SSBP2: variants seen among roughly 807,000 people sequenced by gnomAD.
The protein encoded by SSBP2 is single stranded DNA binding protein 2.
SSBP2 carries 17 observed loss-of-function variants against 61.8 expected under a neutral mutation model. The observed-to-expected ratio is 0.28, with a 90% CI of 0.19 to 0.41. The LOEUF (loss-of-function observed/expected upper bound fraction) is 0.41, where lower values mean the gene tolerates loss of function less well. Ranked by LOEUF, SSBP2 falls within the 10% of genes least tolerant of loss-of-function variation. The pLI, the probability that SSBP2 is intolerant of heterozygous loss-of-function variation, is 1.00. For synonymous variants in SSBP2, 139 were observed against 141.3 expected, an observed-to-expected ratio of 0.98 and a Z score of 0.12; for missense variants, 310 against 458.7, an observed-to-expected ratio of 0.68 and a Z score of 2.96.
chr5:81,636,411 T>C, intron 3 of SSBP2, 146 bp downstream of exon 3: 1 of 546,850 alleles, frequency 1.8e-6, no homozygotes, highest in Non-Finnish European at 3.1e-6. Context: ...AGTGCTGGTT[T>C]TTAAGGGTTT....
chr5:81,701,048 G>GC (rs1753947713), intron 1 of SSBP2, among the ~76,000 whole-genome samples: 1 of 151,016 alleles, frequency 6.6e-6, no homozygotes, highest in Non-Finnish European at 1.5e-5. Flanking sequence ...AAGGGGCCTA[G>GC]CTTTCAGTCT....
chr5:81,562,916 G>A (rs1341529716), intron 4 of SSBP2, among the ~76,000 whole-genome samples: 1 of 152,082 alleles, frequency 6.6e-6, no homozygotes, highest in East Asian at 1.9e-4. Context: ...AATAAATGGA[G>A]AGATATATAG....
chr5:81,427,851 G>A (rs902080922), intron 16 of SSBP2, among the ~76,000 whole-genome samples: 2 of 152,160 alleles, frequency 1.3e-5, no homozygotes, highest in African/African-American at 4.8e-5. Flanking sequence ...GATTCACTAA[G>A]TCTAGGGAGA....
intron 15 of SSBP2, among the ~76,000 whole-genome samples, chr5:81,436,512 T>C (rs2153944724): frequency 6.6e-6 from 1 of 152,290 alleles, no homozygotes; most frequent in East Asian, 1.9e-4. Flanking sequence ...AAATATTTTT[T>C]AGAACTTGAA....
intron 1 of SSBP2, among the ~76,000 whole-genome samples, chr5:81,654,307 T>A (rs1032419035): frequency 6.6e-6 from 1 of 152,152 alleles, no homozygotes; most frequent in East Asian, 1.9e-4. Flanking sequence ...ATTGACCACG[T>A]CCAAAGTTAA....
chr5:81,670,621 T>C (rs1159620230), intron 1 of SSBP2, among the ~76,000 whole-genome samples: 1 of 152,232 alleles, frequency 6.6e-6, no homozygotes. Context: ...CTAAAGTTTT[T>C]TTCCTCTGAC....
intron 11 of SSBP2, among the ~76,000 whole-genome samples, chr5:81,447,676 A>C (rs945398038): frequency 6.6e-6 from 1 of 152,176 alleles, no homozygotes; most frequent in Non-Finnish European, 1.5e-5. Flanking sequence ...ATTTCAGACG[A>C]GATCGGGCAC....
intron 4 of SSBP2, among the ~76,000 whole-genome samples, chr5:81,537,947 T>C (rs1036897943): frequency 2.6e-5 from 4 of 152,016 alleles, no homozygotes; most frequent in Admixed American, 2.6e-4. Context: ...AAAATGACAA[T>C]AATATTAAAA....
intron 4 of SSBP2, among the ~76,000 whole-genome samples, chr5:81,544,857 G>C (rs900554281): frequency 6.6e-6 from 1 of 152,128 alleles, no homozygotes; most frequent in African/African-American, 2.4e-5. Flanking sequence ...GTACAAAGTG[G>C]GTGGAAGTGA....
At chr5:81,445,883 T>C (rs1370370353) in intron 12 of SSBP2, among the ~76,000 whole-genome samples, 1 of 152,190 alleles carries the variant, frequency 6.6e-6, no homozygotes, top group Non-Finnish European at 1.5e-5. Context: ...CTTTCTAGAT[T>C]TGTGTTACGG....
At chr5:81,591,138 T>A (rs1331333569) in intron 4 of SSBP2, among the ~76,000 whole-genome samples, 1 of 152,136 alleles carries the variant, frequency 6.6e-6, no homozygotes, top group East Asian at 1.9e-4. Context: ...AGACCACAGA[T>A]TGAGTAAAAC....
intron 13 of SSBP2, among the ~76,000 whole-genome samples, chr5:81,441,339 A>C (rs542240980): frequency 6.6e-6 from 1 of 152,304 alleles, no homozygotes; most frequent in Non-Finnish European, 1.5e-5. Flanking sequence ...TTGGTGATAG[A>C]GAACCCATGG....
intron 1 of SSBP2, among the ~76,000 whole-genome samples, chr5:81,683,190 C>T (rs1159684943): frequency 2.0e-5 from 3 of 151,918 alleles, no homozygotes; most frequent in Non-Finnish European, 4.4e-5. Context: ...AGGCAAAACC[C>T]CAGAATAACC....
intron 4 of SSBP2, among the ~76,000 whole-genome samples, chr5:81,561,742 T>G (rs902248375): frequency 6.6e-6 from 1 of 152,086 alleles, no homozygotes; most frequent in Non-Finnish European, 1.5e-5. Context: ...TGCATCAAGA[T>G]AGCAATTGTA....
At chr5:81,729,854 G>A (rs2153987827) in intron 1 of SSBP2, among the ~76,000 whole-genome samples, 1 of 152,044 alleles carries the variant, frequency 6.6e-6, no homozygotes, top group South Asian at 2.1e-4. Flanking sequence ...CACTTACAGA[G>A]GGTTGACTGA....
At chr5:81,613,726 C>T (rs1392404592) in intron 4 of SSBP2, among the ~76,000 whole-genome samples, 2 of 152,196 alleles carry the variant, frequency 1.3e-5, no homozygotes, top group Non-Finnish European at 1.5e-5. Flanking sequence ...TCTCCCGTGA[C>T]TGACAGGCCA....
Position 81,420,426 on chromosome 5 carries a change from T to A in SSBP2, c.*78A>T. 3.7e-6 allele frequency: 5 copies of A among 1,361,690 alleles called. No homozygotes were observed. Among genetic ancestry groups the A allele is most frequent in the Non-Finnish European group, 5.3e-6 (5 of 951,162 alleles). 84.4% of individuals were successfully genotyped at this position (1,361,690 alleles called of 1,614,324 possible). ...GATTCCTTTGTTTAACTGTACACTG[T>A]GATGAATAATTTTCTTCCGTAGTAG... On this transcript the variant is annotated 3_prime_UTR_variant, in exon 17 of 17. Transcript: ENST00000320672.
intron 10 of SSBP2, among the ~76,000 whole-genome samples, chr5:81,451,640 G>A (rs533388582): frequency 4.6e-5 from 7 of 152,156 alleles, no homozygotes; most frequent in East Asian, 1.9e-4. Flanking sequence ...TTGGCCAGGC[G>A]GGTCTCGAAC....
At chr5:81,537,707 A>T (rs1770918355) in intron 4 of SSBP2, among the ~76,000 whole-genome samples, 1 of 152,048 alleles carries the variant, frequency 6.6e-6, no homozygotes, top group South Asian at 2.1e-4. Context: ...AGATGTTACT[A>T]TTGTAGGACA....
Sources: allele counts gnomAD v4.1 joint callset (sites outside exome capture counted in the v4.1 genomes callset), GRCh38; gene constraint gnomAD v4.1.1; transcripts MANE v1.5; gene names NCBI Gene and HGNC (gene_info 2026-07-23, HGNC 2026-07-21).